GSE1: variants seen among roughly 807,000 people sequenced by gnomAD.
The protein encoded by GSE1 is genetic suppressor element 1.
GSE1 carries 32 observed loss-of-function variants against 112.6 expected under a neutral mutation model. The ratio of observed to expected loss-of-function variants is 0.28; its 90% CI spans 0.21 to 0.38. The LOEUF is 0.38. Ranked by LOEUF, GSE1 falls within the 10% of genes least tolerant of loss-of-function variation. The pLI is 1.00. For missense variants in GSE1, 2,348 were observed against 1,699.2 expected, an observed-to-expected ratio of 1.38 and a Z score of -6.71; for synonymous variants, 1,115 against 735.6, an observed-to-expected ratio of 1.52 and a Z score of -8.35.
At position 85,550,583 on chromosome 16, in the gene GSE1, G is replaced by A. The variant is rs955546044; in HGVS notation, c.2465-83331G>A. 6.5e-4 allele frequency among the ~76,000 whole-genome samples: 99 copies of A among 152,094 alleles called. 1 individual carries two copies. Among genetic ancestry groups the A allele is most frequent in the Non-Finnish European group, 1.3e-3 (90 of 68,010 alleles). ...GCAGTGCCTCTCTCCAGAGGGGGGG[G>A]TTGTGGCCTGGTCCTGGGGGGCCAC... On this transcript the variant is annotated intron_variant, in intron 2 of 2. Coordinates refer to the GSE1 transcript ENST00000637419.
intron 2 of GSE1, among the ~76,000 whole-genome samples, chr16:85,360,642 G>A (rs950649994): frequency 1.3e-5 from 2 of 152,180 alleles, no homozygotes; most frequent in African/African-American, 4.8e-5. Context: ...CGGGTGCAGG[G>A]GGAGGGGGCA....
intron 1 of GSE1, among the ~76,000 whole-genome samples, chr16:85,182,506 G>C (rs1384379299): frequency 1.3e-5 from 2 of 152,194 alleles, no homozygotes; most frequent in Admixed American, 1.3e-4. Context: ...TCCGGAAACT[G>C]CGTTTTCTTC....
intron 1 of GSE1, among the ~76,000 whole-genome samples, chr16:85,631,475 A>C (rs957118211): frequency 6.6e-6 from 1 of 152,180 alleles, no homozygotes; most frequent in Non-Finnish European, 1.5e-5. Context: ...TGCCAGCTTG[A>C]CACCATGTGC....
At chr16:85,200,250 C>T (rs1445440718) in intron 1 of GSE1, among the ~76,000 whole-genome samples, 3 of 152,120 alleles carry the variant, frequency 2.0e-5, no homozygotes, top group Non-Finnish European at 2.9e-5. Flanking sequence ...TGAGTTTCCT[C>T]GGGACAGGGA....
At chr16:85,640,115 G>A (rs1337806005) in intron 2 of GSE1, among the ~76,000 whole-genome samples, 3 of 152,200 alleles carry the variant, frequency 2.0e-5, no homozygotes, top group African/African-American at 7.2e-5. Flanking sequence ...TGGCGAGGAA[G>A]CCCCACCTCA....
At chr16:85,650,036 T>C (rs949024570) in intron 3 of GSE1, among the ~76,000 whole-genome samples, 4 of 152,170 alleles carry the variant, frequency 2.6e-5, no homozygotes, top group African/African-American at 9.7e-5. Context: ...CTTCCCTGGC[T>C]GAGGGGACAA....
upstream of GSE1, among the ~76,000 whole-genome samples, chr16:85,612,246 C>T (rs1200667364): frequency 2.1e-5 from 2 of 94,528 alleles, no homozygotes; most frequent in Non-Finnish European, 4.2e-5. Context: ...GGGGTGGGGG[C>T]GGGGCGGGGC....
At chr16:85,181,834 G>A (rs1328194346) in intron 1 of GSE1, among the ~76,000 whole-genome samples, 1 of 152,222 alleles carries the variant, frequency 6.6e-6, no homozygotes, top group Non-Finnish European at 1.5e-5. Flanking sequence ...GCAGCTGAGG[G>A]TAGGTTGAGG....
chr16:85,497,284 T>C (rs532319571), intron 2 of GSE1, among the ~76,000 whole-genome samples: 1 of 152,324 alleles, frequency 6.6e-6, no homozygotes, highest in Admixed American at 6.5e-5. Context: ...TTAGACCTCC[T>C]TCTCTGCCTC....
chr16:85,658,104 C>T (rs930280130), intron 8 of GSE1, among the ~76,000 whole-genome samples: 4 of 152,176 alleles, frequency 2.6e-5, no homozygotes, highest in Non-Finnish European at 4.4e-5. Flanking sequence ...AAAGCATTTC[C>T]CAGGAAACTG....
chr16:85,223,795 G>A (rs2075434345), intron 1 of GSE1, among the ~76,000 whole-genome samples: 2 of 151,736 alleles, frequency 1.3e-5, no homozygotes, highest in Non-Finnish European at 2.9e-5. Flanking sequence ...AGTGGAGATG[G>A]GGTTTCACCA....
At chr16:85,647,311 C>T (rs538176929) in intron 2 of GSE1, among the ~76,000 whole-genome samples, 5 of 152,278 alleles carry the variant, frequency 3.3e-5, no homozygotes, top group South Asian at 2.1e-4. Flanking sequence ...ATCCCTGCTG[C>T]GTTTTGGGGG....
In GSE1 at chr16:85,587,176, C is replaced by A. The variant is rs142937683; in HGVS notation, c.37+30813C>A. Among the ~76,000 whole-genome samples the A allele has an allele frequency of 4.8e-4, 72 of 150,516 alleles. 1 individual carries two copies. In the Middle Eastern group the frequency reaches 0.011, roughly 22 times the overall value. ...TCTGGTCTGAGGACGAAACCCCCCC[C>A]CCCCCAGACCAGACCCCATGGTCTG... On this transcript the variant is annotated intron_variant, in intron 1 of 2. Transcript: ENST00000635906.
At chr16:85,558,061 AC>A (rs2045324181) in intron 1 of GSE1, among the ~76,000 whole-genome samples, 1 of 151,982 alleles carries the variant, frequency 6.6e-6, no homozygotes, top group African/African-American at 2.4e-5. Flanking sequence ...CCAAATTAGA[AC>A]CGGGAATCCC....
At position 85,268,197 on chromosome 16, in the gene GSE1, G is replaced by A. The variant is rs567827816; in HGVS notation, c.2284-89266G>A. On this transcript the variant is annotated intron_variant, in intron 1 of 2. Transcript: ENST00000637419. ...GGGCCCAGGGAAGGGGCCACAGCTC[G>A]TCTACTCTCTGAGGCCCTGGTACTG... is the stretch of plus-strand genomic sequence containing the variant. 5.8e-4 allele frequency among the ~76,000 whole-genome samples: 88 copies of A among 151,708 alleles called. 2 individuals are homozygous for A. Among genetic ancestry groups the A allele is most frequent in the South Asian group, 3.8e-3 (18 of 4,780 alleles).
At chr16:85,647,851 C>G (rs1402547805) in intron 2 of GSE1, among the ~76,000 whole-genome samples, 3 of 152,172 alleles carry the variant, frequency 2.0e-5, no homozygotes, top group African/African-American at 7.2e-5. Flanking sequence ...TCCCAAAGTG[C>G]TGGGATTACA....
At chr16:85,556,143 C>CG (rs60654672) in exon 1 of GSE1, 494 of 859,666 alleles carry the variant, frequency 5.7e-4, no homozygotes, top group Middle Eastern at 3.0e-3. Flanking sequence ...TCTTGCGGGG[C>CG]GGGGGGGGGA....
intron 1 of GSE1, among the ~76,000 whole-genome samples, chr16:85,344,457 C>G (rs1420820465): frequency 6.6e-6 from 1 of 152,206 alleles, no homozygotes; most frequent in African/African-American, 2.4e-5. Flanking sequence ...CTGAGAGCTG[C>G]CCTCCTGAGA....
At chr16:85,426,956 G>T (rs763402986) in intron 2 of GSE1, among the ~76,000 whole-genome samples, 1 of 152,156 alleles carries the variant, frequency 6.6e-6, no homozygotes, top group Non-Finnish European at 1.5e-5. Flanking sequence ...TTTGAATCCT[G>T]ACTGTGCCCC....
Sources: gnomAD v4.1 joint callset for allele counts (sites outside exome capture counted in the v4.1 genomes callset) on GRCh38, gnomAD v4.1.1 for gene constraint, MANE v1.5 for transcripts, NCBI Gene and HGNC (gene_info 2026-07-23, HGNC 2026-07-21) for gene names.